Variants in COL1A1 observed in about 807,000 individuals in gnomAD.
The protein encoded by COL1A1 is collagen type I alpha 1 chain.
In COL1A1, 21 loss-of-function variants were observed where a neutral mutation model predicts 195.7. The ratio of observed to expected loss-of-function variants is 0.11; its 90% CI spans 0.08 to 0.15. The LOEUF (loss-of-function observed/expected upper bound fraction) is 0.15. Among genes scored for constraint, COL1A1 ranks in the 10% least tolerant of loss-of-function variants. The pLI is 1.00. For missense variants in COL1A1, 1,365 were observed against 2,051.0 expected (o/e 0.67, Z 6.46); for synonymous variants, 749 against 747.3 (o/e 1.00, Z -0.04).
At position 50,185,124 on chromosome 17, in the gene COL1A1, G is replaced by A. The variant is rs148131473; in HGVS notation, c.*378C>T. On this transcript the variant is annotated 3_prime_UTR_variant, in exon 51 of 51. Coordinates refer to ENST00000225964, the MANE Select transcript of COL1A1 (RefSeq NM_000088.4). ...AAGGAGTGGAGGGGAGGCCCCAAGG[G>A]GGGTGTGGAGAAAGGAGCAGAAAGG... is the stretch of plus-strand genomic sequence containing the variant. 1 of 299,802 alleles carries A rather than the reference G, an allele frequency of 3.3e-6. No individual in the cohort carries two copies. The highest frequency in any genetic ancestry group is 6.3e-6 in the Non-Finnish European group (1 of 159,454). The allele number at this position is 299,802 out of a possible 1,614,324, so 18.6% of individuals were successfully genotyped here. A position where few individuals can be genotyped will look rare whatever the true frequency, so the allele number is the denominator to read the frequency against.
At chr17:50,191,689 T>A in intron 31 of COL1A1, 99 bp downstream of exon 31, 2 of 1,361,864 alleles carry the variant, frequency 1.5e-6, no homozygotes, top group Non-Finnish European at 2.0e-6. Flanking sequence ...CCACACCCTA[T>A]CTCCATGGCT....
At chr17:50,199,524 C>A in intron 3 of COL1A1, 32 bp downstream of exon 3, 1 of 1,614,050 alleles carries the variant, frequency 6.2e-7, no homozygotes, top group East Asian at 2.2e-5. Context: ...TCACGGGCCG[C>A]GCAGGGGCAA....
Position 50,186,045 on chromosome 17 carries a change from G to A in COL1A1, c.4006-25C>T. The A allele has an allele frequency of 6.2e-7, 1 of 1,610,446 alleles. No homozygotes were observed. The highest frequency in any genetic ancestry group is 1.1e-5 in the South Asian group (1 of 91,036). ...ACTGCAGGGGAGGGGAGAGAGGGAA[G>A]AGTGAGCCGCTATGCGGGAACCTCT... On this transcript the variant is annotated intron_variant, in intron 49 of 50. Coordinates refer to ENST00000225964, the MANE Select transcript of COL1A1 (RefSeq NM_000088.4). This position sits in a 1 kb window ranked among gnomAD's most constrained non-coding sequence, Gnocchi z 5.3.
chr17:50,185,913 C>T lies in COL1A1; in HGVS notation c.4113G>A (p.Lys1371=), dbSNP rs41316723. Residue 1371 remains lysine, a synonymous_variant, in exon 50 of 51, where the codon AAG becomes AAA. Transcript: ENST00000225964. ...EASQNITYHC[K]NSVAYMDQQT... ...GCTGGTCCATGTAGGCCACGCTGTT[C>T]TTGCAGTGGTAGGTGATGTTCTGGG... 1,720 of 1,614,088 alleles carry T rather than the reference C, an allele frequency of 1.1e-3. 16 individuals carry two copies. The African/African-American group carries it at 0.017, about 16-fold the overall frequency.
Position 50,187,978 on chromosome 17 carries a change from G to A in COL1A1, c.3267C>T (p.Pro1089=). 1 of 1,614,084 alleles carries A rather than the reference G, an allele frequency of 6.2e-7. No individual in the cohort carries two copies. The highest frequency in any genetic ancestry group is 1.1e-5 in the South Asian group (1 of 91,080). ...GPVGARGPAG[P]QGPRGDKGET... is the part of the protein sequence containing the mutation. Reference sequence around the variant, plus strand: ...CACCCTTGTCACCACGGGGGCCTTGGGGTCCCTAGAAGAGAGAAAGGGACA... The same window carrying A: ...CACCCTTGTCACCACGGGGGCCTTGAGGTCCCTAGAAGAGAGAAAGGGACA... Residue 1089 remains proline, a synonymous_variant, in exon 45 of 51, where the codon CCC becomes CCT. Coordinates refer to ENST00000225964, the MANE Select transcript of COL1A1 (RefSeq NM_000088.4).
At position 50,187,860 on chromosome 17, in the gene COL1A1, G is replaced by A; in HGVS notation, c.3369+16C>T. The A allele has an allele frequency of 6.3e-7, 1 of 1,581,262 alleles. No homozygotes were observed. Among genetic ancestry groups the A allele is most frequent in the Non-Finnish European group, 8.6e-7 (1 of 1,160,692 alleles). On this transcript the variant is annotated intron_variant, in intron 45 of 50. Transcript: ENST00000225964. Reference sequence around the variant, plus strand: ...CAGCACAGCATGGGGACTGGGGAGGGGCTGAGCATACTTACAGGAGGGCCA... The same window carrying A: ...CAGCACAGCATGGGGACTGGGGAGGAGCTGAGCATACTTACAGGAGGGCCA...
In COL1A1 at chr17:50,195,295, A is replaced by G. The variant is rs560859897; in HGVS notation, c.1236T>C (p.Pro412=). ...APGIAGAPGF[P]GARGPSGPQG... ...GGGGTCCAGAGGGGCCTCGGGCACC[A>G]GGGAAGCCAGGAGCACCAGCAATAC... The change falls in exon 19 of 51, where the codon CCT becomes CCC. Residue 412 remains proline, a synonymous_variant. Coordinates refer to ENST00000225964, the MANE Select transcript of COL1A1 (RefSeq NM_000088.4). This position sits in a 1 kb window ranked among gnomAD's most constrained non-coding sequence, Gnocchi z 4.3. 1.2e-5 allele frequency: 19 copies of G among 1,613,654 alleles called. No homozygotes were observed. In the African/African-American group the frequency reaches 2.4e-4, roughly 20 times the overall value.
Position 50,185,989 on chromosome 17 carries a change from G to A in COL1A1, c.4037C>T (p.Ala1346Val), listed in dbSNP as rs1906480913. The A allele has an allele frequency of 6.2e-7, 1 of 1,613,268 alleles. No homozygotes were observed. Among genetic ancestry groups the A allele is most frequent in the Non-Finnish European group, 8.5e-7 (1 of 1,180,000 alleles). Reference protein sequence around the residue: ...FEYGGQGSDPADVAIQLTFLR... With the variant: ...FEYGGQGSDPVDVAIQLTFLR... ...GAAGGTCAGCTGGATGGCCACATCG[G>A]CAGGGTCGGAGCCCTGGCCGCCATA... The change falls in exon 50 of 51, where the codon GCC becomes GTC. Residue 1346 changes from alanine to valine, a missense_variant. Ala to Val is a moderately conservative substitution (Grantham distance 64). Coordinates refer to ENST00000225964, the MANE Select transcript of COL1A1 (RefSeq NM_000088.4).
rs998266957 is a variant in COL1A1, at chr17:50,199,674, C to G, written c.298+79G>C. On this transcript the variant is annotated intron_variant, in intron 2 of 50. Coordinates refer to ENST00000225964, the MANE Select transcript of COL1A1 (RefSeq NM_000088.4). ...AGAGGCCTCCAGCACGGAGGGCCAG[C>G]GAGCGCCGACCACCCCCAGCCCCAG... 1.9e-6 allele frequency: 3 copies of G among 1,606,422 alleles called. No individual in the cohort carries two copies. The African/African-American group carries it at 4.1e-5, about 22-fold the overall frequency.
intron 7 of COL1A1, 21 bp downstream of exon 7, chr17:50,198,140 G>A (rs753995821): frequency 1.9e-6 from 3 of 1,614,078 alleles, no homozygotes; most frequent in African/African-American, 1.3e-5. Flanking sequence ...GGAGGCATAT[G>A]AAGACGTCCT....
intron 25 of COL1A1, 57 bp from the exon 26 acceptor site, chr17:50,193,104 G>T: frequency 6.4e-7 from 1 of 1,561,478 alleles, no homozygotes; most frequent in Non-Finnish European, 8.8e-7. Flanking sequence ...AGGGCCTCCT[G>T]GGGCCTCTCA....
Position 50,197,079 on chromosome 17 carries a change from G to A in COL1A1, c.751-16C>T. Reference sequence around the variant, plus strand: ...CTCGAGCACCCTGGAGAGAGATGAAGAAGACAAGGAAGGGCCATTAGAACA... The same window carrying A: ...CTCGAGCACCCTGGAGAGAGATGAAAAAGACAAGGAAGGGCCATTAGAACA... On this transcript the variant is annotated splice_polypyrimidine_tract_variant and intron_variant, in intron 10 of 50. Coordinates refer to ENST00000225964, the MANE Select transcript of COL1A1 (RefSeq NM_000088.4). 6.2e-7 allele frequency: 1 copy of A among 1,614,194 alleles called. No individual in the cohort carries two copies. The highest frequency in any genetic ancestry group is 1.1e-5 in the South Asian group (1 of 91,080).
At position 50,186,564 on chromosome 17, in the gene COL1A1, G is replaced by A; in HGVS notation, c.3815-57C>T. On this transcript the variant is annotated intron_variant, in intron 48 of 50. Coordinates refer to ENST00000225964, the MANE Select transcript of COL1A1 (RefSeq NM_000088.4). The surrounding 1 kb of genome is among the most constrained non-coding windows in gnomAD (Gnocchi z 5.3). ...GAAAGGGAGCAGCCAGCACCATATG[G>A]TAGGGGCACATATGGGCATGGGGAC... 1.2e-6 allele frequency: 2 copies of A among 1,612,230 alleles called. No individual in the cohort carries two copies. The highest frequency in any genetic ancestry group is 1.7e-6 in the Non-Finnish European group (2 of 1,178,372).
Position 50,189,556 on chromosome 17 carries a change from G to C in COL1A1, c.2668-18C>G, listed in dbSNP as rs772922151. 5 of 1,612,914 alleles carry C rather than the reference G, an allele frequency of 3.1e-6. No homozygotes were observed. The highest frequency in any genetic ancestry group is 3.4e-6 in the Non-Finnish European group (4 of 1,179,658). Reference sequence around the variant, plus strand: ...GCATTTCCCTGGATGAGGATAGGAGGGGCTGTCAGACTCCAGGGGGCTCTG... The same window carrying C: ...GCATTTCCCTGGATGAGGATAGGAGCGGCTGTCAGACTCCAGGGGGCTCTG... On this transcript the variant is annotated intron_variant, in intron 38 of 50. Coordinates refer to ENST00000225964, the MANE Select transcript of COL1A1 (RefSeq NM_000088.4). The surrounding 1 kb of genome is among the most constrained non-coding windows in gnomAD (Gnocchi z 5.5).
intron 32 of COL1A1, 34 bp downstream of exon 32, chr17:50,191,349 G>A: frequency 6.4e-7 from 1 of 1,559,726 alleles, no homozygotes; most frequent in Non-Finnish European, 8.8e-7. Flanking sequence ...TGGGAGCCAT[G>A]TAGGGCTCAG....
intron 45 of COL1A1, 63 bp downstream of exon 45, chr17:50,187,813 C>T (rs574972824): frequency 1.7e-4 from 243 of 1,428,880 alleles, no homozygotes; most frequent in South Asian, 2.4e-4. Context: ...GAAACTGAGG[C>T]GAAGCTCCCC....
Position 50,196,340 on chromosome 17 carries a change from C to T in COL1A1, c.931G>A (p.Gly311Ser), listed in dbSNP as rs72645345. 1 of 1,612,228 alleles carries T rather than the reference C, an allele frequency of 6.2e-7. No homozygotes were observed. Among genetic ancestry groups the T allele is most frequent in the Non-Finnish European group, 8.5e-7 (1 of 1,179,058 alleles). Residue 311 changes from glycine to serine, a missense_variant, in exon 14 of 51, where the codon GGT (glycine) becomes AGT (serine). By Grantham distance (56) the Gly-to-Ser change is moderately conservative. Coordinates refer to ENST00000225964, the MANE Select transcript of COL1A1 (RefSeq NM_000088.4). ...GCAGGGCCAGGGGCTCCAGGGCGACCTCTCTCACCAGGCAGGCCACGGGGG... is the reference window on the plus strand; with the variant it reads ...GCAGGGCCAGGGGCTCCAGGGCGACTTCTCTCACCAGGCAGGCCACGGGGG... ...MGPRGLPGER[G>S]RPGAPGPAGA...
At position 50,195,678 on chromosome 17, in the gene COL1A1, A is replaced by G; in HGVS notation, c.1057-13T>C. 1 of 1,613,064 alleles carries G rather than the reference A, an allele frequency of 6.2e-7. No homozygotes were observed. The highest frequency in any genetic ancestry group is 1.1e-5 in the South Asian group (1 of 91,038). ...GACCAGCTTCACCCTGAATCAGAAG[A>G]AAGGACATATCAGAAGCCACCCTGG... On this transcript the variant is annotated splice_polypyrimidine_tract_variant and intron_variant, in intron 16 of 50. Transcript: ENST00000225964. The surrounding 1 kb of genome is among the most constrained non-coding windows in gnomAD (Gnocchi z 4.3).
rs755300568 is a variant in COL1A1, at chr17:50,189,292, G to A, written c.2830-17C>T. The A allele has an allele frequency of 1.2e-6, 2 of 1,613,904 alleles. No individual in the cohort carries two copies. Among genetic ancestry groups the A allele is most frequent in the Non-Finnish European group, 1.7e-6 (2 of 1,179,930 alleles). On this transcript the variant is annotated splice_polypyrimidine_tract_variant and intron_variant, in intron 39 of 50. Transcript: ENST00000225964. The surrounding 1 kb of genome is among the most constrained non-coding windows in gnomAD (Gnocchi z 5.5). Reference sequence around the variant, plus strand: ...AGGAGCACCCTTTGGGAGGCAAACAGGGGTGAGGTGCCAGAGAGCAGCACA... The same window carrying A: ...AGGAGCACCCTTTGGGAGGCAAACAAGGGTGAGGTGCCAGAGAGCAGCACA...
Sources: allele counts gnomAD v4.1 joint callset, GRCh38; gene constraint gnomAD v4.1.1; non-coding constraint Gnocchi (gnomAD v3.1); transcripts MANE v1.5; gene names NCBI Gene and HGNC (gene_info 2026-07-23, HGNC 2026-07-21).